ZNF280B: variants seen among roughly 807,000 people sequenced by gnomAD.
The protein encoded by ZNF280B is zinc finger protein 280B, also known as suppressor of hairy wing homolog 2.
A neutral mutation model predicts 38.0 loss-of-function variants in ZNF280B; 16 were observed. That is an observed-to-expected ratio of 0.42 (90% confidence interval 0.28 to 0.64). The LOEUF (loss-of-function observed/expected upper bound fraction) is 0.64. Among genes scored for constraint, ZNF280B ranks in the 30% least tolerant of loss-of-function variants. ZNF280B has a pLI of 0.21. For missense variants in ZNF280B, 581 were observed against 639.6 expected (o/e 0.91, Z 0.99); for synonymous variants, 253 against 230.6 (o/e 1.10, Z -0.88).
At chr22:22,505,569 A>AAAT in intron 2 of ZNF280B, among the ~76,000 whole-genome samples, 2 of 144,956 alleles carry the variant, frequency 1.4e-5, no homozygotes, top group African/African-American at 5.3e-5. Flanking sequence ...CCATCTCAAA[A>AAAT]AAATAAATAA....
chr22:22,495,997 A>T (rs548966819), intron 2 of ZNF280B, among the ~76,000 whole-genome samples: 2 of 147,070 alleles, frequency 1.4e-5, no homozygotes, highest in East Asian at 4.2e-4. Context: ...GTAGAGATGG[A>T]GTTTCACCAT....
chr22:22,495,913 C>T (rs1045256292), intron 2 of ZNF280B, among the ~76,000 whole-genome samples: 2 of 151,368 alleles, frequency 1.3e-5, no homozygotes, highest in Non-Finnish European at 2.9e-5. Flanking sequence ...TCAATTGATT[C>T]TCTTGCCTCA....
At chr22:22,495,877 C>A (rs544046978) in intron 2 of ZNF280B, among the ~76,000 whole-genome samples, 1 of 150,858 alleles carries the variant, frequency 6.6e-6, no homozygotes, top group South Asian at 2.1e-4. Context: ...ACAGTCTTGG[C>A]TCACTGCAAA....
chr22:22,499,001 G>A (rs1050606214), intron 2 of ZNF280B, among the ~76,000 whole-genome samples: 10 of 151,256 alleles, frequency 6.6e-5, no homozygotes, highest in Admixed American at 3.3e-4. Context: ...GGGTTTCACT[G>A]TTTTAGCCAG....
intron 2 of ZNF280B, among the ~76,000 whole-genome samples, chr22:22,494,960 T>G (rs2061665376): frequency 6.6e-6 from 1 of 151,958 alleles, no homozygotes; most frequent in Non-Finnish European, 1.5e-5. Context: ...ACTCCTGACC[T>G]TGTGATCTGC....
chr22:22,499,100 A>G (rs2061763382), intron 2 of ZNF280B, among the ~76,000 whole-genome samples: 1 of 151,624 alleles, frequency 6.6e-6, no homozygotes, highest in South Asian at 2.1e-4. Flanking sequence ...TGCCCAGCCA[A>G]TATCCCTTAC....
At chr22:22,498,055 C>T (rs1016003383) in intron 2 of ZNF280B, among the ~76,000 whole-genome samples, 1 of 151,936 alleles carries the variant, frequency 6.6e-6, no homozygotes, top group African/African-American at 2.4e-5. Context: ...ATACATGCTA[C>T]AACAGGGTAA....
At chr22:22,505,013 A>AAC (rs2061905884) in intron 2 of ZNF280B, among the ~76,000 whole-genome samples, 1 of 151,962 alleles carries the variant, frequency 6.6e-6, no homozygotes. Flanking sequence ...TGGTTATATA[A>AAC]ACACTAGGGA....
At chr22:22,489,745 G>A (rs2061556266) in intron 3 of ZNF280B, among the ~76,000 whole-genome samples, 1 of 151,698 alleles carries the variant, frequency 6.6e-6, no homozygotes, top group South Asian at 2.1e-4. Context: ...ACATTTTTAT[G>A]AGGGCATCAT....
chr22:22,498,933 G>T (rs907756503), intron 2 of ZNF280B, among the ~76,000 whole-genome samples: 2 of 151,222 alleles, frequency 1.3e-5, no homozygotes, highest in Non-Finnish European at 2.9e-5. Context: ...GAGTAGCTGG[G>T]ACTACAGGAG....
intron 3 of ZNF280B, among the ~76,000 whole-genome samples, chr22:22,492,787 G>A (rs1015491124): frequency 6.6e-6 from 1 of 151,268 alleles, no homozygotes; most frequent in African/African-American, 2.4e-5. Flanking sequence ...TTGGGAGGCT[G>A]AGGCAGGAGA....
rs71199486 is a variant in ZNF280B, at chr22:22,497,208, T to TA, written c.-186-3029dup. 1.4e-3 allele frequency among the ~76,000 whole-genome samples: 48 copies of TA among 33,640 alleles called. 9 individuals carry two copies. The highest frequency in any genetic ancestry group is 2.2e-3 in the South Asian group (2 of 890). 22.1% of individuals were successfully genotyped at this position (33,640 alleles called of 152,430 possible). A position where few individuals can be genotyped will look rare whatever the true frequency, so the allele number is the denominator to read the frequency against. On this transcript the variant is annotated intron_variant, in intron 2 of 3. Coordinates refer to ENST00000626650, the MANE Select transcript of ZNF280B (RefSeq NM_080764.4). ...TGAGCAGAATCTTGGTCTCCATCTT[T>TA]AAAAAAAAAAAAAAAAAAAAAAAAA... is the stretch of plus-strand genomic sequence containing the variant.
intron 1 of ZNF280B, among the ~76,000 whole-genome samples, chr22:22,508,318 C>A (rs533037672): frequency 2.0e-5 from 3 of 151,986 alleles, no homozygotes; most frequent in South Asian, 4.2e-4. Flanking sequence ...CCAAAAGAGA[C>A]CCCGCGGGGG....
chr22:22,490,674 A>G (rs552772927), intron 3 of ZNF280B, among the ~76,000 whole-genome samples: 9 of 151,762 alleles, frequency 5.9e-5, no homozygotes, highest in African/African-American at 1.9e-4. Flanking sequence ...CACCATGTTG[A>G]CCAGGCTGGT....
chr22:22,489,401 T>C lies in ZNF280B; in HGVS notation c.-3A>G. Reference sequence around the variant, plus strand: ...TCTTCCTCACATGATTGTTCCATTTTCTAATTTTTTTATTCCTGAATGGTG... The same window carrying C: ...TCTTCCTCACATGATTGTTCCATTTCCTAATTTTTTTATTCCTGAATGGTG... On this transcript the variant is annotated 5_prime_UTR_variant, in exon 4 of 4. Coordinates refer to ENST00000626650, the MANE Select transcript of ZNF280B (RefSeq NM_080764.4). 1.9e-6 allele frequency: 3 copies of C among 1,579,826 alleles called. No homozygotes were observed. Among genetic ancestry groups the C allele is most frequent in the Non-Finnish European group, 2.6e-6 (3 of 1,167,742 alleles).
At chr22:22,492,934 A>G (rs2061625762) in intron 3 of ZNF280B, among the ~76,000 whole-genome samples, 1 of 151,890 alleles carries the variant, frequency 6.6e-6, no homozygotes, top group African/African-American at 2.4e-5. Flanking sequence ...AATATTCTCC[A>G]ATATCCTAAA....
At chr22:22,498,363 C>T (rs1458950040) in intron 2 of ZNF280B, among the ~76,000 whole-genome samples, 2 of 151,810 alleles carry the variant, frequency 1.3e-5, no homozygotes, top group Non-Finnish European at 2.9e-5. Flanking sequence ...TGACTTTCAC[C>T]TCAATGAATT....
intron 2 of ZNF280B, among the ~76,000 whole-genome samples, chr22:22,506,855 T>C (rs1257250558): frequency 1.3e-5 from 2 of 151,904 alleles, no homozygotes; most frequent in East Asian, 3.9e-4. Flanking sequence ...GGTGGATAAA[T>C]GGTTGCGGTG....
intron 2 of ZNF280B, among the ~76,000 whole-genome samples, chr22:22,495,593 G>A (rs951138272): frequency 6.6e-6 from 1 of 151,932 alleles, no homozygotes; most frequent in Admixed American, 6.6e-5. Context: ...TGTAGTCAGA[G>A]TAAGTCTCAT....
Sources: gnomAD v4.1 joint callset for allele counts (sites outside exome capture counted in the v4.1 genomes callset) on GRCh38, gnomAD v4.1.1 for gene constraint, MANE v1.5 for transcripts, NCBI Gene and HGNC (gene_info 2026-07-23, HGNC 2026-07-21) for gene names.